RNF13: variants seen among roughly 807,000 people sequenced by gnomAD.
The protein encoded by RNF13 is E3 ubiquitin-protein ligase RNF13.
A neutral mutation model predicts 37.7 loss-of-function variants in RNF13; 19 were observed. That is an observed-to-expected ratio of 0.50 (90% CI 0.35 to 0.74). The LOEUF is 0.74. Ranked by LOEUF, RNF13 falls within the 30% of genes least tolerant of loss-of-function variation. The pLI is 0.01. For synonymous variants in RNF13, 144 were observed against 157.8 expected (o/e 0.91, Z 0.65); for missense variants, 375 against 453.0 (o/e 0.83, Z 1.56).
rs547342180 is a variant in RNF13 at position 149,873,122 on chromosome 3, A to C, written c.321+968A>C. Reference sequence around the variant, plus strand: ...TTTTATCCAGAACTAAACTATAATAATTACAGGTTGCTTCAGTTAAAATTA... The same window carrying C: ...TTTTATCCAGAACTAAACTATAATACTTACAGGTTGCTTCAGTTAAAATTA... On this transcript the variant is annotated intron_variant, in intron 4 of 9. Coordinates refer to ENST00000392894, the MANE Select transcript of RNF13 (RefSeq NM_183381.3). Among the ~76,000 whole-genome samples, 7 of 152,296 alleles carry C rather than the reference A, an allele frequency of 4.6e-5. No homozygotes were observed. The South Asian group carries it at 1.2e-3, about 27-fold the overall frequency.
At chr3:149,857,143 C>T (rs1291837949) in intron 3 of RNF13, among the ~76,000 whole-genome samples, 1 of 152,124 alleles carries the variant, frequency 6.6e-6, no homozygotes, top group Admixed American at 6.6e-5. Flanking sequence ...TTTATAACAT[C>T]CCTGGATTCC....
At chr3:149,831,625 C>G (rs1028423339) in intron 1 of RNF13, among the ~76,000 whole-genome samples, 11 of 152,126 alleles carry the variant, frequency 7.2e-5, no homozygotes, top group African/African-American at 2.7e-4. Flanking sequence ...TACCTTGTTT[C>G]AGATGAGACT....
intron 8 of RNF13, among the ~76,000 whole-genome samples, chr3:149,948,865 A>G (rs1721032216): frequency 6.6e-6 from 1 of 152,118 alleles, no homozygotes; most frequent in African/African-American, 2.4e-5. Context: ...CATCTCTACA[A>G]AAAAACACAA....
rs775413770 is a variant in RNF13 at position 149,813,234 on chromosome 3, T to G, written c.-136T>G. On this transcript the variant is annotated 5_prime_UTR_variant, in exon 1 of 10. Transcript: ENST00000392894. ...CGCTTCGCCTAGGTGTTGTCGTCCC[T>G]GCTAGTACTCCGGGCTGTGGGGGTC... 2 of 152,232 alleles carry G rather than the reference T, an allele frequency of 1.3e-5. No homozygotes were observed. The highest frequency in any genetic ancestry group is 2.9e-5 in the Non-Finnish European group (2 of 68,210). 9.4% of individuals were successfully genotyped at this position (152,232 alleles called of 1,614,324 possible). A position where few individuals can be genotyped will look rare whatever the true frequency, so the allele number is the denominator to read the frequency against.
In RNF13 at chr3:149,852,608, G is replaced by T; in HGVS notation, c.195+12G>T. The T allele has an allele frequency of 7.4e-7, 1 of 1,343,768 alleles. No homozygotes were observed. The highest frequency in any genetic ancestry group is 1.0e-6 in the Non-Finnish European group (1 of 968,656). 83.2% of individuals were successfully genotyped at this position (1,343,768 alleles called of 1,614,324 possible). On this transcript the variant is annotated intron_variant, in intron 3 of 9. Transcript: ENST00000392894. ...CTGAAGGTTTAAAGGTAAGACAGTT[G>T]GTAATACATTGTAAAGACACAAGGT...
At chr3:149,822,253 A>G (rs773079516) in intron 1 of RNF13, among the ~76,000 whole-genome samples, 5 of 152,144 alleles carry the variant, frequency 3.3e-5, no homozygotes, top group Non-Finnish European at 5.9e-5. Flanking sequence ...CATCTTAATA[A>G]TGTTAAGTCT....
intron 8 of RNF13, among the ~76,000 whole-genome samples, chr3:149,940,341 A>G (rs932926842): frequency 2.0e-5 from 3 of 152,098 alleles, no homozygotes; most frequent in African/African-American, 7.2e-5. Flanking sequence ...CATCCCTTAT[A>G]TCATTGCTGT....
intron 8 of RNF13, among the ~76,000 whole-genome samples, chr3:149,926,678 A>T (rs1488725536): frequency 6.6e-6 from 1 of 152,192 alleles, no homozygotes; most frequent in East Asian, 1.9e-4. Context: ...ATTTTATATA[A>T]GGGTATCCAG....
At chr3:149,883,695 T>G (rs182389390) in intron 4 of RNF13, among the ~76,000 whole-genome samples, 498 of 152,266 alleles carry the variant, frequency 3.3e-3, no homozygotes, top group Admixed American at 5.8e-3. Context: ...CTACCTTTTT[T>G]TTTTTCAACT....
chr3:149,929,449 G>C (rs986148119), intron 8 of RNF13, among the ~76,000 whole-genome samples: 7 of 152,124 alleles, frequency 4.6e-5, no homozygotes, highest in Non-Finnish European at 2.9e-5. Context: ...ATTTTGGGTG[G>C]AGACACAGCC....
At chr3:149,931,895 A>G (rs1292722445) in intron 8 of RNF13, among the ~76,000 whole-genome samples, 3 of 152,056 alleles carry the variant, frequency 2.0e-5, no homozygotes, top group African/African-American at 7.2e-5. Context: ...TACCTCCATG[A>G]GATCAGTTTT....
intron 8 of RNF13, among the ~76,000 whole-genome samples, chr3:149,937,915 T>C (rs77450909): frequency 0.014 from 2,113 of 152,158 alleles, 49 homozygotes; most frequent in African/African-American, 0.048. Context: ...TGTTGGATGA[T>C]GAAGTAGTGT....
intron 4 of RNF13, among the ~76,000 whole-genome samples, chr3:149,894,826 T>C (rs1206836533): frequency 6.6e-6 from 1 of 152,158 alleles, no homozygotes; most frequent in Non-Finnish European, 1.5e-5. Flanking sequence ...TTTTTACTTA[T>C]AACAGAATAT....
chr3:149,922,941 C>T (rs1378592567), intron 8 of RNF13, among the ~76,000 whole-genome samples: 2 of 151,948 alleles, frequency 1.3e-5, no homozygotes. Context: ...TTTTCATATA[C>T]CAGTAAAAAT....
At chr3:149,828,254 G>T (rs1365610754) in intron 1 of RNF13, among the ~76,000 whole-genome samples, 2 of 152,068 alleles carry the variant, frequency 1.3e-5, no homozygotes, top group Non-Finnish European at 2.9e-5. Flanking sequence ...TGTTGTTTTT[G>T]TTTTATTTTA....
At chr3:149,825,958 C>T (rs1193720873) in intron 1 of RNF13, among the ~76,000 whole-genome samples, 2 of 152,164 alleles carry the variant, frequency 1.3e-5, no homozygotes, top group Non-Finnish European at 2.9e-5. Context: ...CCCTACCCCT[C>T]TTTGTATCTT....
chr3:149,865,348 A>ATATATATATATATATATATATATATG (rs1327517532), intron 3 of RNF13, among the ~76,000 whole-genome samples: 10 of 148,978 alleles, frequency 6.7e-5, no homozygotes, highest in African/African-American at 2.2e-4. Context: ...ATATATATAT[A>ATATATATATATATATATATATATATG]TATGTATAAA....
At chr3:149,863,910 G>A (rs1226658144) in intron 3 of RNF13, among the ~76,000 whole-genome samples, 1 of 151,630 alleles carries the variant, frequency 6.6e-6, no homozygotes, top group Non-Finnish European at 1.5e-5. Context: ...CAATTGTAGA[G>A]GACATGGATT....
intron 3 of RNF13, among the ~76,000 whole-genome samples, chr3:149,866,966 C>T (rs917824354): frequency 1.3e-5 from 2 of 152,048 alleles, no homozygotes; most frequent in African/African-American, 4.8e-5. Flanking sequence ...TGAAAATGTT[C>T]CATGTGCTGA....
Sources: gnomAD v4.1 joint callset for allele counts (sites outside exome capture counted in the v4.1 genomes callset) on GRCh38, gnomAD v4.1.1 for gene constraint, MANE v1.5 for transcripts, NCBI Gene and HGNC (gene_info 2026-07-23, HGNC 2026-07-21) for gene names.